The following SPTB variants were observed in gnomAD, a reference collection of about 807,000 sequenced individuals.
SPTB encodes the protein spectrin beta chain, erythrocytic.
SPTB carries 45 observed loss-of-function variants against 256.2 expected under a neutral mutation model. That is an observed-to-expected ratio of 0.18 (90% CI 0.14 to 0.23). The LOEUF (loss-of-function observed/expected upper bound fraction) is 0.23. SPTB is among the 10% of genes least tolerant of loss of function. The pLI, the probability that SPTB is intolerant of heterozygous loss-of-function variation, is 1.00. For missense variants in SPTB, 2,715 were observed against 3,040.4 expected, an observed-to-expected ratio of 0.89 and a Z score of 2.52; for synonymous variants, 1,231 against 1,243.1, an observed-to-expected ratio of 0.99 and a Z score of 0.21.
Position 64,785,720 on chromosome 14 carries a change from G to A in SPTB, c.3764+29C>T. 1 of 1,613,974 alleles carries A rather than the reference G, an allele frequency of 6.2e-7. No individual in the cohort carries two copies. The highest frequency in any genetic ancestry group is 8.5e-7 in the Non-Finnish European group (1 of 1,179,936). Reference sequence around the variant, plus strand: ...CTCACTACCCCCGTGTGGCTCTGGGGGCCTCGTGGCCCTGGGGCCCGGGAG... The same window carrying A: ...CTCACTACCCCCGTGTGGCTCTGGGAGCCTCGTGGCCCTGGGGCCCGGGAG... On this transcript the variant is annotated intron_variant, in intron 17 of 35. Coordinates refer to ENST00000644917, the MANE Select transcript of SPTB (RefSeq NM_001355436.2). This position sits in a 1 kb window ranked among gnomAD's most constrained non-coding sequence, Gnocchi z 4.4.
intron 1 of SPTB, among the ~76,000 whole-genome samples, chr14:64,843,550 C>G (rs908447277): frequency 6.6e-6 from 1 of 152,206 alleles, no homozygotes; most frequent in African/African-American, 2.4e-5. Context: ...CATCGCAGCT[C>G]CCTTGTTTCC....
chr14:64,815,821 T>C (rs2083181302), intron 2 of SPTB, among the ~76,000 whole-genome samples: 1 of 152,116 alleles, frequency 6.6e-6, no homozygotes, highest in African/African-American at 2.4e-5. Flanking sequence ...CTGTCAGAGC[T>C]AGAAGGGCTT....
intron 2 of SPTB, among the ~76,000 whole-genome samples, chr14:64,820,837 TTTC>T (rs1293390715): frequency 6.7e-6 from 1 of 150,338 alleles, no homozygotes; most frequent in African/African-American, 2.5e-5. Context: ...CGCCCAGCTA[TTTC>T]TTTTTTTTTT....
chr14:64,847,079 G>C lies in SPTB; in HGVS notation c.-51-23934C>G, dbSNP rs1353698669. On this transcript the variant is annotated intron_variant, in intron 1 of 35. Coordinates refer to ENST00000644917, the MANE Select transcript of SPTB (RefSeq NM_001355436.2). The surrounding 1 kb of genome is among the most constrained non-coding windows in gnomAD (Gnocchi z 5.9). ...AGTCATAAAAGCCCCTTGTCTATGT[G>C]TAGCTCCACCTCGGGGTGTGATTTC... Among the ~76,000 whole-genome samples, 15 of 152,172 alleles carry C rather than the reference G, an allele frequency of 9.9e-5. No homozygotes were observed.
intron 2 of SPTB, among the ~76,000 whole-genome samples, chr14:64,814,274 G>A (rs2083146726): frequency 6.6e-6 from 1 of 152,102 alleles, no homozygotes; most frequent in African/African-American, 2.4e-5. Context: ...CATGTTTGCT[G>A]ACATGAAAAG....
Position 64,772,598 on chromosome 14 carries a change from G to A in SPTB, c.5535C>T (p.Leu1845=), listed in dbSNP as rs17180252. The A allele has an allele frequency of 0.07, 112,789 of 1,609,008 alleles. 4,415 individuals carry two copies. The highest frequency in any genetic ancestry group is 0.08 in the Non-Finnish European group (94,797 of 1,179,858). The part of the protein sequence containing the change: ...HRVHTAFERE[L]HLLGVQVQQF... ...AAGGTACCTGGACACCCAGCAGGTG[G>A]AGCTCCCGCTCGAAGGCTGTGTGCA... The change falls in exon 26 of 36, where the codon CTC becomes CTT. Residue 1845 remains leucine, a synonymous_variant. Transcript: ENST00000644917. This position sits in a 1 kb window ranked among gnomAD's most constrained non-coding sequence, Gnocchi z 5.4.
chr14:64,814,887 A>G (rs573949327), intron 2 of SPTB, among the ~76,000 whole-genome samples: 13 of 152,372 alleles, frequency 8.5e-5, no homozygotes, highest in Admixed American at 2.6e-4. Flanking sequence ...TTTAAATCAA[A>G]AAGTTTTTTT....
Position 64,770,960 on chromosome 14 carries a change from A to G in SPTB, c.5723T>C (p.Phe1908Ser), listed in dbSNP as rs2082270032. ...GAGGAGGTCACGGGCCATGCTGAAG[A>G]AGCGGAATTTATCCGCCGTGTCCAC... is the stretch of plus-strand genomic sequence containing the variant. ...QLVDTADKFR[F>S]FSMARDLLSW... The change falls in exon 27 of 36, where the codon TTC (phenylalanine) becomes TCC (serine). Residue 1908 changes from phenylalanine (F) to serine (S), a missense_variant. By Grantham distance (155) the Phe-to-Ser change is radical. This residue lies in a region of SPTB where 2,239 missense variants were observed against 2,384.4 expected (regional missense o/e 0.94). Coordinates refer to ENST00000644917, the MANE Select transcript of SPTB (RefSeq NM_001355436.2). 6.2e-7 allele frequency: 1 copy of G among 1,614,010 alleles called. No individual in the cohort carries two copies. The highest frequency in any genetic ancestry group is 1.7e-5 in the Admixed American group (1 of 60,010).
intron 1 of SPTB, among the ~76,000 whole-genome samples, chr14:64,851,460 C>CAGT (rs576232036): frequency 0.026 from 3,974 of 151,664 alleles, 71 homozygotes; most frequent in South Asian, 0.064. Context: ...GTAGCAGTAG[C>CAGT]AGTAGTAGTA....
chr14:64,791,640 A>C (rs1015875299), intron 15 of SPTB, 79 bp downstream of exon 15: 11 of 1,549,114 alleles, frequency 7.1e-6, no homozygotes, highest in Non-Finnish European at 8.9e-6. Flanking sequence ...TAGGTGGACT[A>C]AATTTTGGGC....
chr14:64,753,734 G>C lies in SPTB; in HGVS notation c.6405C>G (p.His2135Gln). The C allele has an allele frequency of 6.2e-7, 1 of 1,613,822 alleles. No homozygotes were observed. The highest frequency in any genetic ancestry group is 8.5e-7 in the Non-Finnish European group (1 of 1,180,026). ...CCCCAGTGGATTTCTGCCCATCCTT[G>C]TGCTGACCCGGCGGTGGTGGCTGCT... ...NLQQPPPPGQ[H>Q]KDGQKSTGDE... The change falls in exon 33 of 36, where the codon CAC (histidine) becomes CAG (glutamine). Residue 2135 changes from histidine (H) to glutamine (Q), a missense_variant. His to Gln is a conservative substitution (Grantham distance 24). Transcript: ENST00000644917.
In SPTB at chr14:64,823,217, C is replaced by T. The variant is rs772674933; in HGVS notation, c.-51-72G>A. 3.3e-5 allele frequency: 39 copies of T among 1,183,114 alleles called. No individual in the cohort carries two copies. The highest frequency in any genetic ancestry group is 2.7e-4 in the East Asian group (11 of 41,094). 73.3% of individuals were successfully genotyped at this position (1,183,114 alleles called of 1,614,324 possible). ...GACTTTTTCTCCGGGGAAACTTATTCGGAGCATCCAACGTGAGTAGATCCT... is the reference window on the plus strand; with the variant it reads ...GACTTTTTCTCCGGGGAAACTTATTTGGAGCATCCAACGTGAGTAGATCCT... On this transcript the variant is annotated intron_variant, in intron 1 of 35. Transcript: ENST00000644917. The surrounding 1 kb of genome is among the most constrained non-coding windows in gnomAD (Gnocchi z 6.5).
rs985713985 is a variant in SPTB at position 64,760,813 on chromosome 14, G to A, written c.6345+5913C>T. Reference sequence around the variant, plus strand: ...TTACAAATGAGGGAAACTGGGGGTCGTACAGAATGAGTGACCTGTCCATAG... The same window carrying A: ...TTACAAATGAGGGAAACTGGGGGTCATACAGAATGAGTGACCTGTCCATAG... On this transcript the variant is annotated intron_variant, in intron 32 of 35. Coordinates refer to ENST00000644917, the MANE Select transcript of SPTB (RefSeq NM_001355436.2). This position sits in a 1 kb window ranked among gnomAD's most constrained non-coding sequence, Gnocchi z 4.3. Among the ~76,000 whole-genome samples, 5 of 152,170 alleles carry A rather than the reference G, an allele frequency of 3.3e-5. No homozygotes were observed. The highest frequency in any genetic ancestry group is 4.4e-5 in the Non-Finnish European group (3 of 68,040).
chr14:64,786,328 C>A lies in SPTB; in HGVS notation c.3561+76G>T. ...AGAGTAATGTGGTCCCTGAGTCTTA[C>A]AGCACATTTGTGGACTCACCACAAG... On this transcript the variant is annotated intron_variant, in intron 16 of 35. Coordinates refer to ENST00000644917, the MANE Select transcript of SPTB (RefSeq NM_001355436.2). This position sits in a 1 kb window ranked among gnomAD's most constrained non-coding sequence, Gnocchi z 5.6. 1 of 1,574,600 alleles carries A rather than the reference C, an allele frequency of 6.4e-7. No individual in the cohort carries two copies. The highest frequency in any genetic ancestry group is 8.7e-7 in the Non-Finnish European group (1 of 1,149,016).
rs229628 is a variant in SPTB at position 64,792,278 on chromosome 14, T to C, written c.2667-422A>G. ...GACATCTTAACCCAAAAGATACCCTTTCCAGCCAGGTGCTCCATTCCTGGG... is the reference window on the plus strand; with the variant it reads ...GACATCTTAACCCAAAAGATACCCTCTCCAGCCAGGTGCTCCATTCCTGGG... On this transcript the variant is annotated intron_variant, in intron 14 of 35. Coordinates refer to ENST00000644917, the MANE Select transcript of SPTB (RefSeq NM_001355436.2). The surrounding 1 kb of genome is among the most constrained non-coding windows in gnomAD (Gnocchi z 4.2). 0.35 allele frequency among the ~76,000 whole-genome samples: 53,286 copies of C among 152,026 alleles called. 10,133 individuals are homozygous for C. Among genetic ancestry groups the C allele is most frequent in the African/African-American group, 0.5 (20,714 of 41,428 alleles).
intron 32 of SPTB, among the ~76,000 whole-genome samples, chr14:64,762,400 C>A (rs1361420151): frequency 6.6e-6 from 1 of 152,232 alleles, no homozygotes; most frequent in African/African-American, 2.4e-5. Flanking sequence ...CTGATTAAAG[C>A]TCCTGGCTGC....
chr14:64,773,408 G>A lies in SPTB; in HGVS notation c.4990C>T (p.Leu1664Phe), dbSNP rs749681760. The change falls in exon 25 of 36, where the codon CTT (leucine) becomes TTT (phenylalanine). Residue 1664 changes from leucine (L) to phenylalanine (F), a missense_variant. Physicochemically the swap from Leu to Phe is conservative, Grantham distance 22. Around this residue, in one of 4 missense-constraint regions of SPTB, gnomAD observed 2,239 missense variants for 2,384.4 expected, o/e 0.94. Transcript: ENST00000644917. ...GHPEGEQIIRLQGQVDKHYAG... is the reference protein window; with the variant it reads ...GHPEGEQIIRFQGQVDKHYAG... ...TAGTGCTTGTCCACTTGCCCCTGAA[G>A]TCTGATGATCTGTTCCCTGGAATTC... 2.5e-6 allele frequency: 4 copies of A among 1,614,098 alleles called. No homozygotes were observed. The Admixed American group carries it at 6.7e-5, about 27-fold the overall frequency.
chr14:64,843,529 G>A (rs2083640872), intron 1 of SPTB, among the ~76,000 whole-genome samples: 1 of 152,042 alleles, frequency 6.6e-6, no homozygotes, highest in South Asian at 2.1e-4. Flanking sequence ...ATTTTCACTT[G>A]GTCACAGCCC....
rs1390273537 is a variant in SPTB at position 64,799,945 on chromosome 14, A to C, written c.877-11T>G. The C allele has an allele frequency of 6.2e-7, 1 of 1,614,032 alleles. No individual in the cohort carries two copies. Among genetic ancestry groups the C allele is most frequent in the African/African-American group, 1.3e-5 (1 of 75,058 alleles). ...GGCATGGTCAATAACCTAAGGAATCATCTTCTTACTTATTCTCATCAGAAG... is the reference window on the plus strand; with the variant it reads ...GGCATGGTCAATAACCTAAGGAATCCTCTTCTTACTTATTCTCATCAGAAG... On this transcript the variant is annotated splice_polypyrimidine_tract_variant and intron_variant, in intron 8 of 35. Coordinates refer to ENST00000644917, the MANE Select transcript of SPTB (RefSeq NM_001355436.2).
Sources: gnomAD v4.1 joint callset for allele counts (sites outside exome capture counted in the v4.1 genomes callset) on GRCh38, gnomAD v4.1.1 for gene constraint, gnomAD v4.1.1 regional missense constraint, Gnocchi (gnomAD v3.1) non-coding constraint, MANE v1.5 for transcripts, NCBI Gene and HGNC (gene_info 2026-07-23, HGNC 2026-07-21) for gene names.